The following NFIA variants were observed in gnomAD, a reference collection of about 807,000 sequenced individuals.
NFIA encodes nuclear factor I A.
NFIA carries 8 observed loss-of-function variants against 62.8 expected under a neutral mutation model. The observed-to-expected ratio is 0.13, with a 90% CI of 0.07 to 0.23. NFIA has a LOEUF of 0.23. NFIA is among the 10% of genes least tolerant of loss of function. NFIA has a pLI of 1.00. For synonymous variants in NFIA, 235 were observed against 238.1 expected, an observed-to-expected ratio of 0.99 and a Z score of 0.12; for missense variants, 410 against 642.1, an observed-to-expected ratio of 0.64 and a Z score of 3.91.
intron 6 of NFIA, among the ~76,000 whole-genome samples, chr1:61,365,841 C>A (rs1425170189): frequency 6.6e-6 from 1 of 152,194 alleles, no homozygotes; most frequent in Admixed American, 6.5e-5. Flanking sequence ...AATTAATATT[C>A]TCTAATCACG....
intron 3 of NFIA, among the ~76,000 whole-genome samples, chr1:61,289,189 T>G (rs1658704461): frequency 6.6e-6 from 1 of 152,216 alleles, no homozygotes; most frequent in African/African-American, 2.4e-5. Flanking sequence ...CCTCAGTTAT[T>G]GGCTGGAAAC....
chr1:61,314,878 G>A (rs1201032893), intron 3 of NFIA, among the ~76,000 whole-genome samples: 3 of 152,156 alleles, frequency 2.0e-5, no homozygotes, highest in Admixed American at 6.5e-5. Context: ...TTTGAAAGAA[G>A]TTTTGACTAA....
At chr1:61,242,427 A>G (rs1655402823) in intron 2 of NFIA, among the ~76,000 whole-genome samples, 1 of 152,252 alleles carries the variant, frequency 6.6e-6, no homozygotes, top group Non-Finnish European at 1.5e-5. Flanking sequence ...AACTTAAAAA[A>G]CAAAGCCTGG....
At chr1:61,151,197 TTTG>T (rs1192831524) in intron 2 of NFIA, among the ~76,000 whole-genome samples, 2 of 151,902 alleles carry the variant, frequency 1.3e-5, no homozygotes, top group African/African-American at 4.8e-5. Flanking sequence ...TTTTGCAGTT[TTTG>T]TTGTTGTTGT....
intron 4 of NFIA, among the ~76,000 whole-genome samples, chr1:61,335,604 A>G (rs1570598412): frequency 6.6e-6 from 1 of 152,268 alleles, no homozygotes; most frequent in South Asian, 2.1e-4. Context: ...GCACTTTGGG[A>G]GGCCAAGGCG....
Position 61,283,581 on chromosome 1 carries a change from C to CAAAAAAAAAAAAAAAAAAAAAAA in NFIA, c.625+6001_625+6023dup, listed in dbSNP as rs576613886. On this transcript the variant is annotated intron_variant, in intron 3 of 10. Coordinates refer to ENST00000403491, the MANE Select transcript of NFIA (RefSeq NM_001134673.4). The stretch of plus-strand genomic sequence containing the variant: ...TGGGTGACAGAACGAGACTCTGTCT[C>CAAAAAAAAAAAAAAAAAAAAAAA]AAAAAAAAAAAAAAAAAAAAAAAAA... Among the ~76,000 whole-genome samples the CAAAAAAAAAAAAAAAAAAAAAAA allele has an allele frequency of 5.2e-4, 19 of 36,678 alleles. 1 individual carries two copies. The highest frequency in any genetic ancestry group is 2.8e-3 in the East Asian group (3 of 1,090). The allele number at this position is 36,678 out of a possible 152,430, so 24.1% of individuals were successfully genotyped here.
intron 10 of NFIA, among the ~76,000 whole-genome samples, chr1:61,429,967 C>T (rs1667032425): frequency 6.6e-6 from 1 of 152,064 alleles, no homozygotes; most frequent in Non-Finnish European, 1.5e-5. Context: ...TTCAGCTTTG[C>T]GAGATGAAAA....
chr1:61,442,161 T>C (rs1667614755), intron 10 of NFIA, among the ~76,000 whole-genome samples: 1 of 151,990 alleles, frequency 6.6e-6, no homozygotes, highest in Non-Finnish European at 1.5e-5. Flanking sequence ...AGGCACTGAG[T>C]AGGTAACTCC....
Position 61,352,447 on chromosome 1 carries a change from T to C in NFIA, c.701-3T>C, listed in dbSNP as rs1183091244. ...TGATTTTTGTTTGTTTTCTTAATTC[T>C]AGCACCAATAGCTGCAGGAACTGGC... On this transcript the variant is annotated splice_region_variant and splice_polypyrimidine_tract_variant and intron_variant, in intron 4 of 10. Coordinates refer to ENST00000403491, the MANE Select transcript of NFIA (RefSeq NM_001134673.4). 1.2e-6 allele frequency: 2 copies of C among 1,603,270 alleles called. No individual in the cohort carries two copies. The highest frequency in any genetic ancestry group is 2.2e-5 in the South Asian group (2 of 90,530).
chr1:61,116,232 C>T (rs1646791483), intron 2 of NFIA, among the ~76,000 whole-genome samples: 1 of 151,998 alleles, frequency 6.6e-6, no homozygotes. Flanking sequence ...TTGAGGAAGC[C>T]CTTGTATACA....
upstream of NFIA, chr1:61,082,357 C>A: frequency 2.4e-6 from 1 of 414,498 alleles, no homozygotes; most frequent in Non-Finnish European, 3.2e-6. Context: ...GCAGCCGCCC[C>A]CTCCCCCACA....
intron 2 of NFIA, among the ~76,000 whole-genome samples, chr1:61,243,470 C>T (rs1280725776): frequency 6.6e-6 from 1 of 152,118 alleles, no homozygotes; most frequent in Non-Finnish European, 1.5e-5. Context: ...AGAGTCCACA[C>T]CTCATTACAG....
chr1:61,385,685 A>G (rs981397876), intron 7 of NFIA, among the ~76,000 whole-genome samples: 5 of 152,218 alleles, frequency 3.3e-5, no homozygotes, highest in Admixed American at 6.5e-5. Context: ...GAGCTTGTTC[A>G]TGCTAGATGA....
chr1:61,234,367 CAAAAAAAAAAAA>C (rs34304036), intron 2 of NFIA, among the ~76,000 whole-genome samples: 1 of 73,316 alleles, frequency 1.4e-5, no homozygotes, highest in Non-Finnish European at 2.6e-5. Flanking sequence ...AACGCCATCT[CAAAAAAAAAAAA>C]AAAAAAAAAA....
intron 5 of NFIA, among the ~76,000 whole-genome samples, chr1:61,355,585 AT>A (rs113750240): frequency 0.21 from 30,478 of 148,574 alleles, 3,206 homozygotes; most frequent in African/African-American, 0.22. Flanking sequence ...CCAGATGTTA[AT>A]TTTTTTTTTT....
chr1:61,219,845 C>A (rs1034292264), intron 2 of NFIA, among the ~76,000 whole-genome samples: 1 of 152,126 alleles, frequency 6.6e-6, no homozygotes, highest in African/African-American at 2.4e-5. Flanking sequence ...ACGCCTTAGT[C>A]CCAGCTACTC....
intron 2 of NFIA, among the ~76,000 whole-genome samples, chr1:61,130,493 G>A (rs1397023203): frequency 2.0e-5 from 3 of 152,222 alleles, no homozygotes; most frequent in South Asian, 4.1e-4. Context: ...TTAGGAAAAC[G>A]ATGGAATTAA....
chr1:61,160,598 A>T (rs1355879580), intron 2 of NFIA, among the ~76,000 whole-genome samples: 3 of 152,200 alleles, frequency 2.0e-5, no homozygotes, highest in Non-Finnish European at 4.4e-5. Context: ...GGAGGACTGA[A>T]CTTGGACGGT....
intron 3 of NFIA, among the ~76,000 whole-genome samples, chr1:61,285,847 A>C (rs1315573707): frequency 6.6e-6 from 1 of 152,192 alleles, no homozygotes; most frequent in African/African-American, 2.4e-5. Context: ...AGGCTCGGCA[A>C]AATAGGAATA....
Sources: allele counts gnomAD v4.1 joint callset (sites outside exome capture counted in the v4.1 genomes callset), GRCh38; gene constraint gnomAD v4.1.1; transcripts MANE v1.5; gene names NCBI Gene and HGNC (gene_info 2026-07-23, HGNC 2026-07-21).